Variants in MAP4 observed in about 807,000 individuals in gnomAD.
MAP4 encodes microtubule associated protein 4.
MAP4 carries 76 observed loss-of-function variants against 170.2 expected under a neutral mutation model. That is an observed-to-expected ratio of 0.45 (90% CI 0.37 to 0.54). The LOEUF (loss-of-function observed/expected upper bound fraction) is 0.54. Ranked by LOEUF, MAP4 falls within the 20% of genes least tolerant of loss-of-function variation. The pLI, the probability that MAP4 is intolerant of heterozygous loss-of-function variation, is 0.00. For missense variants in MAP4, 2,506 were observed against 2,748.0 expected, an observed-to-expected ratio of 0.91 and a Z score of 1.97; for synonymous variants, 909 against 994.5, an observed-to-expected ratio of 0.91 and a Z score of 1.62.
At chr3:48,017,660 T>G (rs1263730694), upstream of MAP4, among the ~76,000 whole-genome samples, 1 of 152,062 alleles carries the variant, frequency 6.6e-6, no homozygotes, top group African/African-American at 2.4e-5. Context: ...CTATGCTCAT[T>G]TGCTCTCCAA....
At chr3:47,965,808 G>C (rs754112514) in intron 3 of MAP4, among the ~76,000 whole-genome samples, 1 of 152,042 alleles carries the variant, frequency 6.6e-6, no homozygotes, top group Non-Finnish European at 1.5e-5. Context: ...GAAGATATAA[G>C]ATTTGCAAAT....
chr3:47,871,496 C>T (rs1356340699), intron 13 of MAP4, among the ~76,000 whole-genome samples: 1 of 152,094 alleles, frequency 6.6e-6, no homozygotes, highest in African/African-American at 2.4e-5. Flanking sequence ...TCTATGTGGC[C>T]TTAAAAGTAG....
rs1416101910 is a variant in MAP4, at chr3:47,869,294, T to C, written c.6328A>G (p.Thr2110Ala). 4.3e-6 allele frequency: 7 copies of C among 1,614,024 alleles called. No individual in the cohort carries two copies. The highest frequency in any genetic ancestry group is 4.2e-6 in the Non-Finnish European group (5 of 1,179,986). Reference sequence around the variant, plus strand: ...GCATTAGATTCAGGCTTTCGGGTTGTAGCAGCTGCCTCTGTTTTTTTCTCT... The same window carrying C: ...GCATTAGATTCAGGCTTTCGGGTTGCAGCAGCTGCCTCTGTTTTTTTCTCT... ...KVEKKTEAAA[T>A]TRKPESNAVT... Residue 2110 changes from threonine (T) to alanine (A), a missense_variant, in exon 16 of 21, where the codon ACA becomes GCA. By Grantham distance (58) the Thr-to-Ala change is moderately conservative. This residue lies in a region of MAP4 where 487 missense variants were observed against 511.6 expected (regional missense o/e 0.95). Transcript: ENST00000683076.
chr3:47,917,010 C>T lies in MAP4; in HGVS notation c.817G>A (p.Ala273Thr), dbSNP rs779662703. ...DMALATKTEV[A>T]LAKDMESPTK... ...GGTGATTCCATATCTTTAGCCAATGCCACCTCGGTTTTTGTAGCTAGTGCC... is the reference window on the plus strand; with the variant it reads ...GGTGATTCCATATCTTTAGCCAATGTCACCTCGGTTTTTGTAGCTAGTGCC... Residue 273 changes from alanine (A) to threonine (T), a missense_variant, in exon 7 of 21, where the codon GCA (alanine) becomes ACA (threonine). Physicochemically the swap from Ala to Thr is moderately conservative, Grantham distance 58. Coordinates refer to ENST00000683076, the MANE Select transcript of MAP4 (RefSeq NM_001385682.1). 1 of 1,614,218 alleles carries T rather than the reference C, an allele frequency of 6.2e-7. No homozygotes were observed. Among genetic ancestry groups the T allele is most frequent in the Admixed American group, 1.7e-5 (1 of 60,036 alleles).
intron 17 of MAP4, among the ~76,000 whole-genome samples, chr3:47,858,601 G>A (rs2060336585): frequency 7.2e-6 from 1 of 138,730 alleles, no homozygotes; most frequent in Admixed American, 7.3e-5. Context: ...GTGTGTGTGT[G>A]TGTGTGTGTG....
intron 1 of MAP4, among the ~76,000 whole-genome samples, chr3:48,044,471 TA>T (rs963471237): frequency 1.3e-4 from 20 of 151,320 alleles, no homozygotes; most frequent in African/African-American, 4.6e-4. Context: ...CTGTAATTTT[TA>T]AAAAATTTTG....
chr3:48,042,480 G>T (rs2100122137), intron 1 of MAP4, among the ~76,000 whole-genome samples: 1 of 152,022 alleles, frequency 6.6e-6, no homozygotes, highest in Admixed American at 6.6e-5. Context: ...CAAAGAATCT[G>T]TACATTTCTC....
chr3:47,873,924 C>T (rs1397280322), intron 12 of MAP4, among the ~76,000 whole-genome samples: 1 of 152,226 alleles, frequency 6.6e-6, no homozygotes, highest in Non-Finnish European at 1.5e-5. Flanking sequence ...TTAACTGGAG[C>T]TATTCTGCTG....
At chr3:47,987,466 G>C (rs1295096856) in intron 2 of MAP4, 1 of 1,402,114 alleles carries the variant, frequency 7.1e-7, no homozygotes, top group South Asian at 1.3e-5. Flanking sequence ...GTCAGGGAAT[G>C]TTCTGGAAAG....
At position 47,916,586 on chromosome 3, in the gene MAP4, G is replaced by A. The variant is rs1175301036; in HGVS notation, c.1241C>T (p.Ser414Leu). Residue 414 changes from serine (S) to leucine (L), a missense_variant, in exon 7 of 21, where the codon TCA (serine) becomes TTA (leucine). Physicochemically the swap from Ser to Leu is moderately radical, Grantham distance 145 (BLOSUM62 -2). This residue lies in a region of MAP4 where 2,008 missense variants were observed against 2,206.0 expected (regional missense o/e 0.91). Transcript: ENST00000683076. Reference protein sequence around the residue: ...IVPAKDLVLLSEIEVAQANDI... With the variant: ...IVPAKDLVLLLEIEVAQANDI... The stretch of plus-strand genomic sequence containing the variant: ...ATTAGCCTGTGCCACCTCTATTTCT[G>A]AGAGTAATACCAAATCCTTGGCTGG... 4 of 1,614,096 alleles carry A rather than the reference G, an allele frequency of 2.5e-6. No individual in the cohort carries two copies. In the Admixed American group the frequency reaches 6.7e-5, roughly 27 times the overall value.
Position 47,917,125 on chromosome 3 carries a change from T to C in MAP4, c.702A>G (p.Pro234=), listed in dbSNP as rs756168784. Reference sequence around the variant, plus strand: ...TCATTATTTCCAATGCTTGTGCTGGTGGCCTCTCTTCTGATGCCATTTCTA... The same window carrying C: ...TCATTATTTCCAATGCTTGTGCTGGCGGCCTCTCTTCTGATGCCATTTCTA... ...KEIEMASEER[P]PAQALEIMMG... The change falls in exon 7 of 21, where the codon CCA becomes CCG. Residue 234 remains proline (P), a synonymous_variant. Transcript: ENST00000683076. 4 of 1,614,152 alleles carry C rather than the reference T, an allele frequency of 2.5e-6. No individual in the cohort carries two copies. Among genetic ancestry groups the C allele is most frequent in the Non-Finnish European group, 3.4e-6 (4 of 1,179,956 alleles).
chr3:47,996,737 G>GACACACACACACACACAC lies in MAP4; in HGVS notation c.223+1883_223+1900dup, dbSNP rs57673370. The stretch of plus-strand genomic sequence containing the variant: ...GATCCAGCATTCAATCAAAAACTAA[G>GACACACACACACACACAC]ACACACACACACACACACACACACA... On this transcript the variant is annotated intron_variant, in intron 2 of 20. Coordinates refer to ENST00000683076, the MANE Select transcript of MAP4 (RefSeq NM_001385682.1). Among the ~76,000 whole-genome samples, 487 of 146,534 alleles carry GACACACACACACACACAC rather than the reference G, an allele frequency of 3.3e-3. 5 individuals are homozygous for GACACACACACACACACAC. Among genetic ancestry groups the GACACACACACACACACAC allele is most frequent in the African/African-American group, 0.011 (446 of 39,176 alleles).
intron 16 of MAP4, among the ~76,000 whole-genome samples, 189 bp from the exon 17 acceptor site, chr3:47,867,527 A>AGTGAAAAAC (rs138027588): frequency 0.048 from 7,283 of 152,280 alleles, 236 homozygotes; most frequent in Non-Finnish European, 0.076. Flanking sequence ...CAAGAAGGGG[A>AGTGAAAAAC]GTGAAAAACG....
intron 1 of MAP4, among the ~76,000 whole-genome samples, chr3:48,046,242 C>T (rs557323400): frequency 6.6e-6 from 1 of 152,212 alleles, no homozygotes; most frequent in Non-Finnish European, 1.5e-5. Flanking sequence ...TCTTAACTAT[C>T]ACATAGATTT....
chr3:47,860,545 C>T (rs2063881864), intron 17 of MAP4, among the ~76,000 whole-genome samples: 1 of 152,310 alleles, frequency 6.6e-6, no homozygotes, highest in East Asian at 1.9e-4. Flanking sequence ...TATCTCTTGA[C>T]CTTTTGTCTA....
At chr3:48,050,797 C>A (rs554989930) in intron 1 of MAP4, among the ~76,000 whole-genome samples, 1 of 150,338 alleles carries the variant, frequency 6.7e-6, no homozygotes, top group Non-Finnish European at 1.5e-5. Context: ...CCCAGCTACT[C>A]GGGAGGCTGA....
chr3:48,016,982 T>C (rs1664949431), upstream of MAP4, among the ~76,000 whole-genome samples: 1 of 152,072 alleles, frequency 6.6e-6, no homozygotes, highest in Non-Finnish European at 1.5e-5. Context: ...TTTCATCATG[T>C]TGGCCAGACT....
intron 2 of MAP4, among the ~76,000 whole-genome samples, chr3:47,996,187 G>A (rs1025791411): frequency 6.6e-6 from 1 of 152,174 alleles, no homozygotes; most frequent in Non-Finnish European, 1.5e-5. Context: ...CAACCCCAGA[G>A]CACACAAGAA....
chr3:48,021,409 A>G (rs1256127238), upstream of MAP4, among the ~76,000 whole-genome samples: 1 of 151,838 alleles, frequency 6.6e-6, no homozygotes, highest in African/African-American at 2.4e-5. Context: ...GCAGTGGCAC[A>G]TGATCTTGGC....
Sources: gnomAD v4.1 joint callset for allele counts (sites outside exome capture counted in the v4.1 genomes callset) on GRCh38, gnomAD v4.1.1 for gene constraint, gnomAD v4.1.1 regional missense constraint, MANE v1.5 for transcripts, NCBI Gene and HGNC (gene_info 2026-07-23, HGNC 2026-07-21) for gene names.